The following NUDT3 variants were observed in gnomAD, a reference collection of about 807,000 sequenced individuals.
NUDT3 encodes the protein nudix hydrolase 3, also known as diphosphoinositol polyphosphate phosphohydrolase 1.
Under a neutral mutation model 23.6 loss-of-function variants are expected in NUDT3, and 9 were observed. The observed-to-expected ratio is 0.38, with a 90% confidence interval of 0.23 to 0.66. The LOEUF is 0.66. NUDT3 is among the 30% of genes least tolerant of loss of function. The pLI is 0.52. For missense variants in NUDT3, 172 were observed against 218.5 expected, an observed-to-expected ratio of 0.79 and a Z score of 1.34; for synonymous variants, 86 against 82.6, an observed-to-expected ratio of 1.04 and a Z score of -0.22.
At chr6:34,361,954 C>T (rs779043758) in intron 1 of NUDT3, among the ~76,000 whole-genome samples, 1 of 152,130 alleles carries the variant, frequency 6.6e-6, no homozygotes, top group Admixed American at 6.6e-5. Context: ...ATAGGAAGTA[C>T]ACCAGCAAGA....
intron 2 of NUDT3, among the ~76,000 whole-genome samples, chr6:34,337,564 C>T (rs1764228004): frequency 6.6e-6 from 1 of 152,144 alleles, no homozygotes; most frequent in Non-Finnish European, 1.5e-5. Context: ...AAGTACAATA[C>T]CCTATATCCT....
chr6:34,317,803 A>C (rs768970333), intron 2 of NUDT3, among the ~76,000 whole-genome samples: 5 of 152,210 alleles, frequency 3.3e-5, no homozygotes, highest in Non-Finnish European at 5.9e-5. Flanking sequence ...TCTAGCTCTC[A>C]GGCTGATTAA....
In NUDT3 at chr6:34,392,279, G is replaced by T; in HGVS notation, c.84C>A (p.Ser28Arg). The change falls in exon 1 of 5, where the codon AGC (serine) becomes AGA (arginine). Residue 28 changes from serine (S) to arginine (R), a missense_variant. Coordinates refer to ENST00000607016, the MANE Select transcript of NUDT3 (RefSeq NM_006703.4). ...GCCGCCTCACCTCCTCCTCGCTCTC[G>T]CTGCGGAAACACAGGCATGCGGCCC... ...KKRAACLCFR[S>R]ESEEEVLLVS... The T allele has an allele frequency of 6.2e-7, 1 of 1,601,300 alleles. No individual in the cohort carries two copies.
chr6:34,327,021 AAGACGCGG>A (rs373187339), intron 2 of NUDT3, among the ~76,000 whole-genome samples: 110 of 152,170 alleles, frequency 7.2e-4, no homozygotes, highest in African/African-American at 2.4e-3. Context: ...TACTACCACC[AAGACGCGG>A]AGACCGGTAG....
rs565066745 is a variant in NUDT3 at position 34,381,525 on chromosome 6, A to C, written c.99+10739T>G. Reference sequence around the variant, plus strand: ...AAAATAATTGAACCTACAAAAAAAAACCCACAGAAATACAATTATTATATA... The same window carrying C: ...AAAATAATTGAACCTACAAAAAAAACCCCACAGAAATACAATTATTATATA... On this transcript the variant is annotated intron_variant, in intron 1 of 4. Coordinates refer to ENST00000607016, the MANE Select transcript of NUDT3 (RefSeq NM_006703.4). Among the ~76,000 whole-genome samples, 778 of 152,236 alleles carry C rather than the reference A, an allele frequency of 5.1e-3. 2 individuals are homozygous for C. Among genetic ancestry groups the C allele is most frequent in the Middle Eastern group, 0.017 (5 of 294 alleles).
At chr6:34,343,786 A>C (rs1419556708) in intron 1 of NUDT3, among the ~76,000 whole-genome samples, 1 of 152,190 alleles carries the variant, frequency 6.6e-6, no homozygotes, top group Non-Finnish European at 1.5e-5. Context: ...AAAGGACATA[A>C]TCAGGAATGT....
chr6:34,284,538 T>G lies in NUDT3; in HGVS notation c.*4215A>C, dbSNP rs1419422969. 1 of 151,924 alleles carries G rather than the reference T, an allele frequency of 6.6e-6. No homozygotes were observed. The highest frequency in any genetic ancestry group is 2.4e-5 in the African/African-American group (1 of 41,430). 9.4% of individuals were successfully genotyped at this position (151,924 alleles called of 1,614,324 possible). On this transcript the variant is annotated 3_prime_UTR_variant, in exon 5 of 5. Transcript: ENST00000607016. Reference sequence around the variant, plus strand: ...ATGTGGCTTAGGCTAAGCTGTTTTTTTTTTTTTTTTTTTAAAGATGAGGAT... The same window carrying G: ...ATGTGGCTTAGGCTAAGCTGTTTTTGTTTTTTTTTTTTTAAAGATGAGGAT...
Position 34,285,515 on chromosome 6 carries a change from G to A in NUDT3, c.*3238C>T, listed in dbSNP as rs1179740418. The A allele has an allele frequency of 6.6e-6, 1 of 152,246 alleles. No individual in the cohort carries two copies. The highest frequency in any genetic ancestry group is 1.5e-5 in the Non-Finnish European group (1 of 68,042). The allele number at this position is 152,246 out of a possible 1,614,324, so 9.4% of individuals were successfully genotyped here. ...TCTAGGACATGCAGACTCACTGTGA[G>A]CGAGAGGCTAGGGATCTGCCCTAAA... On this transcript the variant is annotated 3_prime_UTR_variant, in exon 5 of 5. Coordinates refer to ENST00000607016, the MANE Select transcript of NUDT3 (RefSeq NM_006703.4).
chr6:34,352,253 T>C (rs1764489999), intron 1 of NUDT3, among the ~76,000 whole-genome samples: 1 of 152,062 alleles, frequency 6.6e-6, no homozygotes, highest in South Asian at 2.1e-4. Flanking sequence ...CAGCCTCAAC[T>C]TCCCGGGCTC....
intron 2 of NUDT3, among the ~76,000 whole-genome samples, chr6:34,306,917 G>C (rs183168748): frequency 6.6e-6 from 1 of 152,092 alleles, no homozygotes; most frequent in Non-Finnish European, 1.5e-5. Context: ...TCAGTTCCTC[G>C]ACTAAGGAGC....
chr6:34,371,255 G>A (rs1243955840), intron 1 of NUDT3, among the ~76,000 whole-genome samples: 2 of 152,132 alleles, frequency 1.3e-5, no homozygotes, highest in African/African-American at 4.8e-5. Context: ...CAGATCAAGA[G>A]GTCAAGAGAT....
chr6:34,387,673 T>A (rs1443318720), intron 1 of NUDT3, among the ~76,000 whole-genome samples: 64 of 98,766 alleles, frequency 6.5e-4, no homozygotes, highest in Middle Eastern at 0.012. Context: ...CATCTCTTTT[T>A]AAAAAAAAAA....
intron 1 of NUDT3, among the ~76,000 whole-genome samples, chr6:34,384,470 G>A (rs750271864): frequency 1.3e-5 from 2 of 152,108 alleles, no homozygotes; most frequent in Non-Finnish European, 2.9e-5. Context: ...GATGTCATTT[G>A]TTGTATGTTC....
intron 2 of NUDT3, among the ~76,000 whole-genome samples, chr6:34,336,435 G>C (rs953874870): frequency 6.6e-6 from 1 of 151,128 alleles, no homozygotes; most frequent in Non-Finnish European, 1.5e-5. Flanking sequence ...TCTTTTTTTT[G>C]CTGTTGAATT....
rs183695410 is a variant in NUDT3, at chr6:34,313,122, C to T, written c.211-17437G>A. Among the ~76,000 whole-genome samples, 503 of 152,144 alleles carry T rather than the reference C, an allele frequency of 3.3e-3. 3 individuals are homozygous for T. Among genetic ancestry groups the T allele is most frequent in the African/African-American group, 7.4e-3 (305 of 41,492 alleles). On this transcript the variant is annotated intron_variant, in intron 2 of 4. Coordinates refer to ENST00000607016, the MANE Select transcript of NUDT3 (RefSeq NM_006703.4). ...CCTGGGAGGCAAAGCTTGCAGTGAG[C>T]TGAGACTGCACCACTGCACTCCGGC...
intron 1 of NUDT3, among the ~76,000 whole-genome samples, chr6:34,386,343 C>G (rs1765106531): frequency 6.6e-6 from 1 of 152,146 alleles, no homozygotes; most frequent in Non-Finnish European, 1.5e-5. Context: ...TGTTTGTCAA[C>G]AAGAAGAGAA....
At chr6:34,376,304 T>G (rs1488779243) in intron 1 of NUDT3, among the ~76,000 whole-genome samples, 1 of 152,092 alleles carries the variant, frequency 6.6e-6, no homozygotes, top group African/African-American at 2.4e-5. Flanking sequence ...TGGAGTGCAG[T>G]GGCACTATCA....
rs1763311216 is a variant in NUDT3 at position 34,284,442 on chromosome 6, T to C, written c.*4311A>G. 1 of 152,062 alleles carries C rather than the reference T, an allele frequency of 6.6e-6. No homozygotes were observed. Among genetic ancestry groups the C allele is most frequent in the African/African-American group, 2.4e-5 (1 of 41,394 alleles). The allele number at this position is 152,062 out of a possible 1,614,324, so 9.4% of individuals were successfully genotyped here. ...AATCCGCCCTTGATATTAGAGAATA[T>C]TAAAATCACACAGTTGTGGCAAAAA... is the stretch of plus-strand genomic sequence containing the variant. On this transcript the variant is annotated 3_prime_UTR_variant, in exon 5 of 5. Transcript: ENST00000607016.
At chr6:34,341,798 C>A in intron 2 of NUDT3, 64 bp downstream of exon 2, 1 of 1,458,696 alleles carries the variant, frequency 6.9e-7, no homozygotes, top group Non-Finnish European at 9.4e-7. Context: ...TATTAAAGAA[C>A]TACACAGATA....
Sources: gnomAD v4.1 joint callset for allele counts (sites outside exome capture counted in the v4.1 genomes callset) on GRCh38, gnomAD v4.1.1 for gene constraint, MANE v1.5 for transcripts, NCBI Gene and HGNC (gene_info 2026-07-23, HGNC 2026-07-21) for gene names.